SOX5: variants seen among roughly 807,000 people sequenced by gnomAD.
SOX5 encodes transcription factor SOX-5.
Under a neutral mutation model 92.0 loss-of-function variants are expected in SOX5, and 9 were observed. The ratio of observed to expected loss-of-function variants is 0.10; its 90% CI spans 0.06 to 0.17. SOX5 has a LOEUF of 0.17. SOX5 is among the 10% of genes least tolerant of loss of function. The probability of loss-of-function intolerance (pLI) is 1.00; values close to 1 mark genes in which losing one functional copy is unlikely to be tolerated. For synonymous variants in SOX5, 344 were observed against 336.3 expected, an observed-to-expected ratio of 1.02 and a Z score of -0.25; for missense variants, 642 against 944.5, an observed-to-expected ratio of 0.68 and a Z score of 4.20.
intron 1 of SOX5, among the ~76,000 whole-genome samples, chr12:23,912,739 A>G (rs778859465): frequency 2.0e-5 from 3 of 152,192 alleles, no homozygotes; most frequent in Non-Finnish European, 4.4e-5. Flanking sequence ...CCATTCACAA[A>G]GGTCTACATA....
chr12:24,269,839 ATTTTTTT>A (rs56939628), intron 3 of SOX5, among the ~76,000 whole-genome samples: 2 of 62,096 alleles, frequency 3.2e-5, no homozygotes, highest in African/African-American at 1.1e-4. Flanking sequence ...CCACCATGCA[ATTTTTTT>A]TTTTTTTTTT....
chr12:24,124,251 G>T (rs1393619521), intron 4 of SOX5, among the ~76,000 whole-genome samples: 4 of 152,148 alleles, frequency 2.6e-5, no homozygotes, highest in African/African-American at 9.7e-5. Flanking sequence ...GGTTGATGCA[G>T]ATTTTAATGT....
At chr12:23,628,100 CT>C (rs895681335) in intron 8 of SOX5, among the ~76,000 whole-genome samples, 6 of 151,976 alleles carry the variant, frequency 3.9e-5, no homozygotes, top group African/African-American at 7.2e-5. Flanking sequence ...AGGGCGTTTA[CT>C]TTTTTTATTG....
chr12:23,575,309 C>CA (rs1161183504), intron 10 of SOX5, among the ~76,000 whole-genome samples: 9 of 151,748 alleles, frequency 5.9e-5, no homozygotes, highest in African/African-American at 1.7e-4. Context: ...GTGCAATTCA[C>CA]AAAAAAAATG....
At chr12:23,983,678 T>C (rs1443156645) in intron 4 of SOX5, among the ~76,000 whole-genome samples, 1 of 152,156 alleles carries the variant, frequency 6.6e-6, no homozygotes, top group East Asian at 1.9e-4. Context: ...AATAAGTACA[T>C]TCCAATTTAT....
At chr12:24,048,826 A>C (rs572986514) in intron 4 of SOX5, among the ~76,000 whole-genome samples, 6 of 152,296 alleles carry the variant, frequency 3.9e-5, no homozygotes, top group Admixed American at 6.5e-5. Context: ...TAAAGACAGA[A>C]AGTAGATTAG....
At chr12:24,043,771 T>C (rs1327515369) in intron 4 of SOX5, among the ~76,000 whole-genome samples, 1 of 152,228 alleles carries the variant, frequency 6.6e-6, no homozygotes, top group Admixed American at 6.5e-5. Context: ...AAGATATAGC[T>C]ACCTCTTGAA....
intron 4 of SOX5, among the ~76,000 whole-genome samples, chr12:24,078,001 CACAG>C (rs1353886070): frequency 7.9e-5 from 12 of 151,436 alleles, no homozygotes; most frequent in Middle Eastern, 3.4e-3. Context: ...AATTATAGTG[CACAG>C]ACATATTATT....
intron 2 of SOX5, among the ~76,000 whole-genome samples, chr12:24,297,658 C>T (rs1947429180): frequency 6.6e-6 from 1 of 152,220 alleles, no homozygotes; most frequent in Non-Finnish European, 1.5e-5. Flanking sequence ...ATTCCCAGTG[C>T]TGCAGGTCAG....
At chr12:24,400,034 G>A (rs756635846) in intron 1 of SOX5, among the ~76,000 whole-genome samples, 5 of 152,076 alleles carry the variant, frequency 3.3e-5, no homozygotes, top group South Asian at 2.1e-4. Flanking sequence ...CCCATTAAAA[G>A]ATAAAACATA....
At chr12:24,111,880 A>C (rs925220521) in intron 4 of SOX5, among the ~76,000 whole-genome samples, 2 of 152,186 alleles carry the variant, frequency 1.3e-5, no homozygotes, top group Non-Finnish European at 2.9e-5. Context: ...TTTATTATAG[A>C]TATTTTCTGC....
chr12:24,356,704 T>C (rs1954875733), intron 2 of SOX5, among the ~76,000 whole-genome samples: 3 of 152,130 alleles, frequency 2.0e-5, no homozygotes, highest in Non-Finnish European at 2.9e-5. Context: ...ACTTCATTCT[T>C]TTCACCCAAA....
chr12:24,035,068 T>A (rs150959617), intron 4 of SOX5, among the ~76,000 whole-genome samples: 502 of 152,252 alleles, frequency 3.3e-3, no homozygotes, highest in African/African-American at 0.011. Context: ...GTTACTTCTT[T>A]GCAATGCTTT....
chr12:24,009,619 G>A (rs10505924), intron 4 of SOX5, among the ~76,000 whole-genome samples: 69,787 of 151,484 alleles, frequency 0.46, 16,389 homozygotes, highest in Middle Eastern at 0.58. Flanking sequence ...ACAAGAAGAG[G>A]TTAAAAAGAT....
intron 6 of SOX5, among the ~76,000 whole-genome samples, chr12:23,723,010 C>T (rs1202431169): frequency 6.6e-6 from 1 of 152,150 alleles, no homozygotes; most frequent in Non-Finnish European, 1.5e-5. Context: ...ATACCTCCAG[C>T]AGGCAACAGA....
intron 2 of SOX5, among the ~76,000 whole-genome samples, chr12:24,320,734 G>T (rs1024298729): frequency 6.6e-6 from 1 of 151,808 alleles, no homozygotes; most frequent in Non-Finnish European, 1.5e-5. Flanking sequence ...GCATGGTGGT[G>T]GGCACCTGTA....
At chr12:23,664,311 C>T (rs1179013017) in intron 7 of SOX5, among the ~76,000 whole-genome samples, 1 of 130,316 alleles carries the variant, frequency 7.7e-6, no homozygotes, top group Non-Finnish European at 1.7e-5. Context: ...GTTAATGGCA[C>T]AATTCATTAA....
In SOX5 at chr12:24,165,365, A is replaced by G. The variant is rs192499582; in HGVS notation, c.-2+47978T>C. ...AAGGATTATTTATTTGCATTTATGAATCCCACAAATGTTTCATAAACCATA... is the reference window on the plus strand; with the variant it reads ...AAGGATTATTTATTTGCATTTATGAGTCCCACAAATGTTTCATAAACCATA... On this transcript the variant is annotated intron_variant, in intron 4 of 4. Transcript: ENST00000446891. Among the ~76,000 whole-genome samples the G allele has an allele frequency of 2.0e-3, 308 of 152,274 alleles. 2 individuals are homozygous for G. Among genetic ancestry groups the G allele is most frequent in the African/African-American group, 6.8e-3 (281 of 41,576 alleles).
At chr12:24,280,627 A>T (rs1483438295) in intron 2 of SOX5, among the ~76,000 whole-genome samples, 1 of 152,140 alleles carries the variant, frequency 6.6e-6, no homozygotes, top group African/African-American at 2.4e-5. Context: ...ATTAAAGGGG[A>T]CAGAGGCAAG....
Sources: gnomAD v4.1 joint callset for allele counts (sites outside exome capture counted in the v4.1 genomes callset) on GRCh38, gnomAD v4.1.1 for gene constraint, MANE v1.5 for transcripts, NCBI Gene and HGNC (gene_info 2026-07-23, HGNC 2026-07-21) for gene names.